Variants in ATAD3A observed in about 807,000 individuals in gnomAD.
ATAD3A encodes the protein ATPase family AAA domain containing 3A.
ATAD3A carries 46 observed loss-of-function variants against 73.8 expected under a neutral mutation model. The ratio of observed to expected loss-of-function variants is 0.62; its 90% confidence interval spans 0.49 to 0.80. The LOEUF is 0.80. Among genes scored for constraint, ATAD3A ranks in the 30% least tolerant of loss-of-function variants. The probability of loss-of-function intolerance (pLI) is 0.00; values close to 1 mark genes in which losing one functional copy is unlikely to be tolerated. For synonymous variants in ATAD3A, 319 were observed against 350.0 expected (o/e 0.91, Z 0.99); for missense variants, 705 against 838.0 (o/e 0.84, Z 1.96).
chr1:1,522,304 G>T (rs1257239550), intron 7 of ATAD3A, among the ~76,000 whole-genome samples: 2 of 152,164 alleles, frequency 1.3e-5, no homozygotes, highest in African/African-American at 2.4e-5. Context: ...GCCTCCCAAA[G>T]TGCTGGGATT....
intron 1 of ATAD3A, among the ~76,000 whole-genome samples, chr1:1,515,368 C>T (rs1260898531): frequency 2.0e-5 from 3 of 152,180 alleles, no homozygotes; most frequent in East Asian, 3.8e-4. Context: ...TGAGCCACCG[C>T]GCCCAGCCAA....
In ATAD3A at chr1:1,534,429, G is replaced by C. The variant is rs1222140185; in HGVS notation, c.*357G>C. The C allele has an allele frequency of 1.6e-6, 2 of 1,279,114 alleles. No homozygotes were observed. The highest frequency in any genetic ancestry group is 3.0e-5 in the African/African-American group (2 of 66,220). 79.2% of individuals were successfully genotyped at this position (1,279,114 alleles called of 1,614,324 possible). ...CCCCGGGGCAGCAGGAGCCAGGCAG[G>C]TGATGTCTTTGTTCTCGGCTCCCAC... On this transcript the variant is annotated 3_prime_UTR_variant, in exon 16 of 16. Coordinates refer to ENST00000378756, the MANE Select transcript of ATAD3A (RefSeq NM_001170535.3).
chr1:1,530,019 A>G (rs1194533918), intron 15 of ATAD3A, among the ~76,000 whole-genome samples: 3 of 152,366 alleles, frequency 2.0e-5, no homozygotes, highest in South Asian at 4.1e-4. Context: ...TGGTTCCTCA[A>G]TCTAGCAGTG....
chr1:1,530,922 T>G (rs1213424536), intron 15 of ATAD3A, among the ~76,000 whole-genome samples: 1 of 144,128 alleles, frequency 6.9e-6, no homozygotes, highest in Non-Finnish European at 1.5e-5. Flanking sequence ...GAGGCTGAAG[T>G]GAGAATATCA....
At chr1:1,532,618 C>T (rs1041653385) in intron 15 of ATAD3A, among the ~76,000 whole-genome samples, 4 of 152,302 alleles carry the variant, frequency 2.6e-5, no homozygotes, top group Non-Finnish European at 5.9e-5. Context: ...TGCCAGGTCC[C>T]GTGCTTCCTG....
At position 1,526,682 on chromosome 1, in the gene ATAD3A, G is replaced by A. The variant is rs1641859446; in HGVS notation, c.1337+151G>A. ...CCACCTCGGATGTCCCCTGGGAACG[G>A]CCCAGCTCGGGACAGCACGGGGTGT... On this transcript the variant is annotated intron_variant, in intron 13 of 15. Transcript: ENST00000378756. The A allele has an allele frequency of 2.0e-6, 3 of 1,505,862 alleles. No individual in the cohort carries two copies. In the African/African-American group the frequency reaches 4.2e-5, roughly 21 times the overall value. 93.3% of individuals were successfully genotyped at this position (1,505,862 alleles called of 1,614,324 possible). A position where few individuals can be genotyped will look rare whatever the true frequency, so the allele number is the denominator to read the frequency against.
At chr1:1,526,932 T>G (rs1361169121) in intron 13 of ATAD3A, among the ~76,000 whole-genome samples, 1 of 151,832 alleles carries the variant, frequency 6.6e-6, no homozygotes, top group Non-Finnish European at 1.5e-5. Flanking sequence ...CCACGGGAAG[T>G]TGGACACCAG....
chr1:1,517,093 G>C (rs1228838030), intron 2 of ATAD3A: 2 of 1,528,604 alleles, frequency 1.3e-6, no homozygotes, highest in Non-Finnish European at 1.8e-6. Flanking sequence ...CCTCCCGGGG[G>C]GCCTTCGCGG....
chr1:1,522,932 A>C (rs781353394), intron 8 of ATAD3A, 33 bp downstream of exon 8: 1 of 1,599,118 alleles, frequency 6.3e-7, no homozygotes, highest in Non-Finnish European at 8.5e-7. Context: ...CCCTGAGTGC[A>C]GTTCCTGGCT....
intron 14 of ATAD3A, 114 bp from the exon 15 acceptor site, chr1:1,529,109 C>T (rs1641947651): frequency 1.4e-6 from 2 of 1,479,420 alleles, no homozygotes; most frequent in Admixed American, 4.0e-5. Flanking sequence ...GTAGAGAGCC[C>T]CTCCAAAGAG....
chr1:1,524,896 C>T (rs1417164691), intron 11 of ATAD3A, among the ~76,000 whole-genome samples: 3 of 151,902 alleles, frequency 2.0e-5, no homozygotes, highest in Non-Finnish European at 4.4e-5. Context: ...TGGCACCCTC[C>T]CCTCTGGCCT....
chr1:1,532,472 G>A (rs1642063273), intron 15 of ATAD3A, among the ~76,000 whole-genome samples: 1 of 152,236 alleles, frequency 6.6e-6, no homozygotes, highest in South Asian at 2.1e-4. Context: ...GAGTAGCACA[G>A]AGACTTCCTG....
In ATAD3A at chr1:1,524,198, C is replaced by T. The variant is rs528980362; in HGVS notation, c.1090-75C>T. The T allele has an allele frequency of 9.8e-5, 158 of 1,612,456 alleles. No homozygotes were observed. In the Admixed American group the frequency reaches 2.6e-3, roughly 26 times the overall value. On this transcript the variant is annotated intron_variant, in intron 10 of 15. Transcript: ENST00000378756. ...AGGGACGCTGGGCAGAGCCTCCACA[C>T]TCCGGGTGGAGTGTGCAGGCTTTGC...
In ATAD3A at chr1:1,526,312, C is replaced by T. The variant is rs1286247916; in HGVS notation, c.1267-149C>T. 10 of 1,505,508 alleles carry T rather than the reference C, an allele frequency of 6.6e-6. No individual in the cohort carries two copies. In the Admixed American group the frequency reaches 2.2e-4, roughly 33 times the overall value. The allele number at this position is 1,505,508 out of a possible 1,614,324, so 93.3% of individuals were successfully genotyped here. Reference sequence around the variant, plus strand: ...CAGGTTACATTCGTGAGCCACCGCCCCTGGCCCTGGTCAGGCTTTTGAGAG... The same window carrying T: ...CAGGTTACATTCGTGAGCCACCGCCTCTGGCCCTGGTCAGGCTTTTGAGAG... On this transcript the variant is annotated intron_variant, in intron 12 of 15. Coordinates refer to ENST00000378756, the MANE Select transcript of ATAD3A (RefSeq NM_001170535.3).
chr1:1,521,179 G>C (rs1001354949), intron 7 of ATAD3A, among the ~76,000 whole-genome samples: 7 of 151,070 alleles, frequency 4.6e-5, no homozygotes, highest in Non-Finnish European at 8.9e-5. Flanking sequence ...GGCGCCTATA[G>C]TCCCAGCTAC....
chr1:1,520,383 A>T lies in ATAD3A; in HGVS notation c.680+77A>T, dbSNP rs2100657748. The T allele has an allele frequency of 1.3e-6, 2 of 1,594,142 alleles. No homozygotes were observed. Among genetic ancestry groups the T allele is most frequent in the East Asian group, 2.2e-5 (1 of 44,576 alleles). On this transcript the variant is annotated intron_variant, in intron 6 of 15. Transcript: ENST00000378756. The surrounding 1 kb of genome is among the most constrained non-coding windows in gnomAD (Gnocchi z 4.0). The stretch of plus-strand genomic sequence containing the variant: ...AGTCGCTGGTCCCAGGGCGCTCTCC[A>T]GCTCTTCCAGGCCTTGCCGCCGTAG...
chr1:1,519,028 G>A (rs377757595), intron 5 of ATAD3A, 38 bp downstream of exon 5: 15 of 1,613,706 alleles, frequency 9.3e-6, no homozygotes, highest in South Asian at 6.6e-5. Context: ...CGGAGGTGGC[G>A]GGGGCTGCTT....
Position 1,522,918 on chromosome 1 carries a change from C to G in ATAD3A, c.906+19C>G, listed in dbSNP as rs1444726754. On this transcript the variant is annotated intron_variant, in intron 8 of 15. Coordinates refer to ENST00000378756, the MANE Select transcript of ATAD3A (RefSeq NM_001170535.3). ...CATCCAGGTAGCAGCGCAGGCCTGG[C>G]CCTCCCTGAGTGCAGTTCCTGGCTG... The G allele has an allele frequency of 6.2e-7, 1 of 1,604,502 alleles. No homozygotes were observed. The highest frequency in any genetic ancestry group is 1.1e-5 in the South Asian group (1 of 89,790).
chr1:1,526,573 T>C lies in ATAD3A; in HGVS notation c.1337+42T>C, dbSNP rs775833735. The C allele has an allele frequency of 2.0e-5, 32 of 1,611,230 alleles. No homozygotes were observed. The East Asian group carries it at 2.2e-4, about 11-fold the overall frequency. On this transcript the variant is annotated intron_variant, in intron 13 of 15. Transcript: ENST00000378756. ...GGTCCTGGGCCCCCGGGCAGGGCTG[T>C]GCAGCCGTCGCCCTTGGTTCCCACC... is the stretch of plus-strand genomic sequence containing the variant.
Sources: gnomAD v4.1 joint callset for allele counts (sites outside exome capture counted in the v4.1 genomes callset) on GRCh38, gnomAD v4.1.1 for gene constraint, Gnocchi (gnomAD v3.1) non-coding constraint, MANE v1.5 for transcripts, NCBI Gene and HGNC (gene_info 2026-07-23, HGNC 2026-07-21) for gene names.